KMT5A: variants seen among roughly 807,000 people sequenced by gnomAD.
KMT5A encodes the protein N-lysine methyltransferase KMT5A.
Under a neutral mutation model 40.6 loss-of-function variants are expected in KMT5A, and 6 were observed. The ratio of observed to expected loss-of-function variants is 0.15; its 90% CI spans 0.08 to 0.29. The LOEUF is 0.29. KMT5A is among the 10% of genes least tolerant of loss of function. KMT5A has a pLI of 1.00. For missense variants in KMT5A, 308 were observed against 459.1 expected, an observed-to-expected ratio of 0.67 and a Z score of 3.01; for synonymous variants, 153 against 178.8, an observed-to-expected ratio of 0.86 and a Z score of 1.15.
intron 5 of KMT5A, among the ~76,000 whole-genome samples, chr12:123,401,526 T>C (rs1420643677): frequency 6.6e-6 from 1 of 152,026 alleles, no homozygotes; most frequent in Non-Finnish European, 1.5e-5. Context: ...AATATTGATA[T>C]GTGAGGTTTT....
rs547205458 is a variant in KMT5A, at chr12:123,387,256, G to A, written c.11-2177G>A. On this transcript the variant is annotated intron_variant, in intron 1 of 7. Transcript: ENST00000402868. ...ACATCTTCTAGGTACTGGAGCTGCA[G>A]AATTGAGAGGAATAGGTGCTAGACT... 9.2e-5 allele frequency among the ~76,000 whole-genome samples: 14 copies of A among 152,340 alleles called. No individual in the cohort carries two copies. The East Asian group carries it at 2.7e-3, about 29-fold the overall frequency.
At chr12:123,385,253 A>G (rs1254134288) in intron 1 of KMT5A, among the ~76,000 whole-genome samples, 2 of 152,114 alleles carry the variant, frequency 1.3e-5, no homozygotes, top group African/African-American at 4.8e-5. Flanking sequence ...TTCTTTTGGG[A>G]TAAGACTTAC....
chr12:123,400,049 C>T (rs1878027862), intron 5 of KMT5A, among the ~76,000 whole-genome samples: 1 of 152,256 alleles, frequency 6.6e-6, no homozygotes, highest in African/African-American at 2.4e-5. Flanking sequence ...TCTCAAAATG[C>T]CTGACCTCAT....
chr12:123,398,948 AGCCAGGGCGGGCCTAGC>A (rs1052446357), intron 5 of KMT5A, among the ~76,000 whole-genome samples: 48 of 152,370 alleles, frequency 3.2e-4, no homozygotes, highest in Admixed American at 2.6e-3. Flanking sequence ...TGAAGACAGC[AGCCAGGGCGGGCCTAGC>A]GCCAGGGCGT....
intron 7 of KMT5A, among the ~76,000 whole-genome samples, 200 bp downstream of exon 7, chr12:123,405,274 A>G (rs925052186): frequency 5.4e-5 from 8 of 149,414 alleles, no homozygotes; most frequent in Admixed American, 1.3e-4. Flanking sequence ...GCTCATTGCA[A>G]CCTCCTCTCA....
At chr12:123,406,952 G>T (rs1425268997) in intron 7 of KMT5A, among the ~76,000 whole-genome samples, 1 of 148,782 alleles carries the variant, frequency 6.7e-6, no homozygotes, top group Admixed American at 6.9e-5. Context: ...GGAGGCAGAG[G>T]TTGCAGTGAG....
Position 123,407,732 on chromosome 12 carries a change from A to G in KMT5A, c.*29A>G, listed in dbSNP as rs1593479190. 6.3e-7 allele frequency: 1 copy of G among 1,577,048 alleles called. No homozygotes were observed. The highest frequency in any genetic ancestry group is 8.6e-7 in the Non-Finnish European group (1 of 1,156,364). ...GTGGGCCCCGTGCCCTCCCCGCCCC[A>G]CTTTCCCTTCTTCAAAGGACAAAGT... On this transcript the variant is annotated 3_prime_UTR_variant, in exon 8 of 8. Coordinates refer to ENST00000402868, the MANE Select transcript of KMT5A (RefSeq NM_020382.7).
Position 123,404,867 on chromosome 12 carries a change from C to T in KMT5A, c.658-17C>T, listed in dbSNP as rs202144633. ...CATTGCTATTATGAACCAACACCCTCTCTTATCACCTGACAGATTGACCTC... is the reference window on the plus strand; with the variant it reads ...CATTGCTATTATGAACCAACACCCTTTCTTATCACCTGACAGATTGACCTC... On this transcript the variant is annotated splice_polypyrimidine_tract_variant and intron_variant, in intron 6 of 7. Transcript: ENST00000402868. The T allele has an allele frequency of 1.1e-5, 17 of 1,606,038 alleles. No individual in the cohort carries two copies. In the Admixed American group the frequency reaches 2.0e-4, roughly 19 times the overall value.
chr12:123,398,245 G>A (rs975925160), intron 5 of KMT5A, among the ~76,000 whole-genome samples: 3 of 151,560 alleles, frequency 2.0e-5, no homozygotes, highest in Admixed American at 6.6e-5. Context: ...TCGCGCCACC[G>A]CACTCCATCT....
intron 2 of KMT5A, 73 bp downstream of exon 2, chr12:123,389,627 G>A: frequency 9.8e-7 from 1 of 1,020,982 alleles, no homozygotes; most frequent in Non-Finnish European, 1.2e-6. Flanking sequence ...GGGCGACCCC[G>A]GGTACCCGCC....
In KMT5A at chr12:123,409,105, T is replaced by C. The variant is rs544704097; in HGVS notation, c.*1402T>C. 1 of 152,704 alleles carries C rather than the reference T, an allele frequency of 6.5e-6. No individual in the cohort carries two copies. The highest frequency in any genetic ancestry group is 2.1e-4 in the South Asian group (1 of 4,822). The allele number at this position is 152,704 out of a possible 1,614,324, so 9.5% of individuals were successfully genotyped here. Reference sequence around the variant, plus strand: ...CAGGTATGAGAGGCTGTCCTCGTCTTTGATTCCCCCCCAACCCCACCTCGG... The same window carrying C: ...CAGGTATGAGAGGCTGTCCTCGTCTCTGATTCCCCCCCAACCCCACCTCGG... On this transcript the variant is annotated 3_prime_UTR_variant, in exon 8 of 8. Coordinates refer to ENST00000402868, the MANE Select transcript of KMT5A (RefSeq NM_020382.7).
chr12:123,400,871 G>A (rs1200920996), intron 5 of KMT5A, among the ~76,000 whole-genome samples: 1 of 151,982 alleles, frequency 6.6e-6, no homozygotes, highest in Non-Finnish European at 1.5e-5. Flanking sequence ...CTGGAGTACA[G>A]TGGCATGATT....
chr12:123,394,669 G>A (rs1477253921), intron 3 of KMT5A, among the ~76,000 whole-genome samples: 1 of 152,130 alleles, frequency 6.6e-6, no homozygotes, highest in African/African-American at 2.4e-5. Flanking sequence ...CCTTACTCCT[G>A]TCCCCTAATG....
At position 123,384,324 on chromosome 12, in the gene KMT5A, G is replaced by T; in HGVS notation, c.10+116G>T. ...GTCCTCCTCGGGTGGCTCGGGGCAA[G>T]CTTGGGGACCCGCGTGGGGGGAGAG... On this transcript the variant is annotated intron_variant, in intron 1 of 7. Coordinates refer to ENST00000402868, the MANE Select transcript of KMT5A (RefSeq NM_020382.7). The surrounding 1 kb of genome is among the most constrained non-coding windows in gnomAD (Gnocchi z 5.7). 1.4e-6 allele frequency: 2 copies of T among 1,436,042 alleles called. No individual in the cohort carries two copies. The highest frequency in any genetic ancestry group is 1.9e-6 in the Non-Finnish European group (2 of 1,053,642). The allele number at this position is 1,436,042 out of a possible 1,614,324, so 89.0% of individuals were successfully genotyped here.
chr12:123,397,264 G>T (rs1877800139), intron 5 of KMT5A, among the ~76,000 whole-genome samples: 2 of 152,202 alleles, frequency 1.3e-5, no homozygotes, highest in Admixed American at 6.5e-5. Flanking sequence ...AGGAAACGCA[G>T]GGCATGGCAG....
chr12:123,394,104 CTTT>C (rs397711320), intron 3 of KMT5A, among the ~76,000 whole-genome samples: 2 of 125,070 alleles, frequency 1.6e-5, no homozygotes, highest in Admixed American at 9.1e-5. Context: ...ATTTTTTTTT[CTTT>C]TTTTTTTTTT....
chr12:123,407,362 A>T, intron 7 of KMT5A, 131 bp from the exon 8 acceptor site: 1 of 910,826 alleles, frequency 1.1e-6, no homozygotes. Context: ...AAATAGCTTT[A>T]TGAATTGAAT....
chr12:123,386,894 C>T (rs1016598542), intron 1 of KMT5A, among the ~76,000 whole-genome samples: 16 of 152,146 alleles, frequency 1.1e-4, no homozygotes, highest in African/African-American at 3.9e-4. Flanking sequence ...CTCACTCTGT[C>T]ACCCAGGATA....
At position 123,390,734 on chromosome 12, in the gene KMT5A, C is replaced by G. The variant is rs187714652; in HGVS notation, c.237C>G (p.His79Gln). 3.5e-5 allele frequency: 56 copies of G among 1,613,896 alleles called. No homozygotes were observed. The Admixed American group carries it at 6.7e-4, about 19-fold the overall frequency. The change falls in exon 3 of 8, where the codon CAC (histidine) becomes CAG (glutamine). Residue 79 changes from histidine to glutamine, a missense_variant. Around this residue, in one of 4 missense-constraint regions of KMT5A, gnomAD observed 12 missense variants for 31.1 expected, o/e 0.39. Transcript: ENST00000402868. The part of the protein sequence containing the change: ...PLQEENSVTH[H>Q]EVKCQGKPLA... The stretch of plus-strand genomic sequence containing the variant: ...AGGAAGAGAACTCAGTTACACATCA[C>G]GAAGTCAAATGCCAGGGGAAACCAT...
Sources: allele counts gnomAD v4.1 joint callset (sites outside exome capture counted in the v4.1 genomes callset), GRCh38; gene constraint gnomAD v4.1.1; regional missense constraint gnomAD v4.1.1; non-coding constraint Gnocchi (gnomAD v3.1); transcripts MANE v1.5; gene names NCBI Gene and HGNC (gene_info 2026-07-23, HGNC 2026-07-21).